TUBE1: variants seen among roughly 807,000 people sequenced by gnomAD.
The protein encoded by TUBE1 is tubulin epsilon 1.
Under a neutral mutation model 53.5 loss-of-function variants are expected in TUBE1, and 34 were observed. That is an observed-to-expected ratio of 0.64 (90% CI 0.48 to 0.85). TUBE1 has a LOEUF of 0.85. Among genes scored for constraint, TUBE1 ranks in the 40% least tolerant of loss-of-function variants. The pLI is 0.00. For missense variants in TUBE1, 532 were observed against 570.5 expected (o/e 0.93, Z 0.69); for synonymous variants, 177 against 198.4 (o/e 0.89, Z 0.91).
chr6:112,084,135 A>G, intron 4 of TUBE1, 54 bp downstream of exon 4: 1 of 1,371,084 alleles, frequency 7.3e-7, no homozygotes, highest in Non-Finnish European at 1.0e-6. Context: ...AGTTACTGAG[A>G]ATAGTTATTT....
rs1160607339 is a variant in TUBE1, at chr6:112,071,239, T to C, written c.*173A>G. 3 of 539,600 alleles carry C rather than the reference T, an allele frequency of 5.6e-6. No homozygotes were observed. Among genetic ancestry groups the C allele is most frequent in the African/African-American group, 3.8e-5 (2 of 52,930 alleles). 33.4% of individuals were successfully genotyped at this position (539,600 alleles called of 1,614,324 possible). A position where few individuals can be genotyped will look rare whatever the true frequency, so the allele number is the denominator to read the frequency against. ...AGTTAAGGTACTAAGATTTCACTAA[T>C]TTCACACATTGGTATTACCAACAAA... On this transcript the variant is annotated 3_prime_UTR_variant, in exon 12 of 12. Coordinates refer to ENST00000368662, the MANE Select transcript of TUBE1 (RefSeq NM_016262.5).
chr6:112,081,923 G>A (rs186172697), intron 4 of TUBE1, among the ~76,000 whole-genome samples: 144 of 151,796 alleles, frequency 9.5e-4, no homozygotes, highest in Admixed American at 8.5e-3. Context: ...ATATTCTACA[G>A]CGAGGAAGAA....
Position 112,086,895 on chromosome 6 carries a change from T to A in TUBE1, c.100-287A>T, listed in dbSNP as rs181515916. The A allele has an allele frequency of 1.0e-3, 514 of 490,474 alleles. 3 individuals are homozygous for A. Among genetic ancestry groups the A allele is most frequent in the African/African-American group, 9.0e-3 (462 of 51,084 alleles). The allele number at this position is 490,474 out of a possible 1,614,324, so 30.4% of individuals were successfully genotyped here. A position where few individuals can be genotyped will look rare whatever the true frequency, so the allele number is the denominator to read the frequency against. On this transcript the variant is annotated intron_variant, in intron 2 of 11. Coordinates refer to ENST00000368662, the MANE Select transcript of TUBE1 (RefSeq NM_016262.5). ...TTCTCTGGATTCTTCGTAATCTTTT[T>A]AAAAGCTGACTGGTTAAATTAAGGA...
Position 112,074,626 on chromosome 6 carries a change from G to A in TUBE1, c.953+84C>T, listed in dbSNP as rs1192588263. On this transcript the variant is annotated intron_variant, in intron 9 of 11. Coordinates refer to ENST00000368662, the MANE Select transcript of TUBE1 (RefSeq NM_016262.5). ...ATAAGATGATACAATTAAATAACTAGAGTTATTGCAAACTTTTTTCTCTTA... is the reference window on the plus strand; with the variant it reads ...ATAAGATGATACAATTAAATAACTAAAGTTATTGCAAACTTTTTTCTCTTA... 4 of 1,015,854 alleles carry A rather than the reference G, an allele frequency of 3.9e-6. No individual in the cohort carries two copies. The East Asian group carries it at 8.8e-5, about 22-fold the overall frequency. The allele number at this position is 1,015,854 out of a possible 1,614,324, so 62.9% of individuals were successfully genotyped here. A position where few individuals can be genotyped will look rare whatever the true frequency, so the allele number is the denominator to read the frequency against.
In TUBE1 at chr6:112,081,154, T is replaced by C. The variant is rs1554316714; in HGVS notation, c.264A>G (p.Pro88=). The change falls in exon 5 of 12, where the codon CCA becomes CCG. Residue 88 remains proline (P), a synonymous_variant. Coordinates refer to ENST00000368662, the MANE Select transcript of TUBE1 (RefSeq NM_016262.5). The part of the protein sequence containing the change: ...EGVVNEILQG[P]LRDVFDTKQL... Reference sequence around the variant, plus strand: ...GTTTCGTATCAAATACATCTCTCAGTGGTCCCTGCAGAATTTCATTCACTA... The same window carrying C: ...GTTTCGTATCAAATACATCTCTCAGCGGTCCCTGCAGAATTTCATTCACTA... 1 of 1,610,762 alleles carries C rather than the reference T, an allele frequency of 6.2e-7. No homozygotes were observed. Among genetic ancestry groups the C allele is most frequent in the Non-Finnish European group, 8.5e-7 (1 of 1,178,666 alleles).
chr6:112,080,379 C>T (rs2114487902), intron 5 of TUBE1, among the ~76,000 whole-genome samples: 1 of 152,138 alleles, frequency 6.6e-6, no homozygotes, highest in South Asian at 2.1e-4. Flanking sequence ...TCAAAAGTTA[C>T]ATAATAAGTT....
rs781980257 is a variant in TUBE1, at chr6:112,079,760, A to AATTAGAAT, written c.327-14_327-7dup. The AATTAGAAT allele has an allele frequency of 5.2e-5, 83 of 1,595,006 alleles. No individual in the cohort carries two copies. In the African/African-American group the frequency reaches 1.1e-3, roughly 20 times the overall value. ...AAACTTTGTGACCCACGGCCCTGAA[A>AATTAGAAT]ATTAGAATATGGATTTTAAAAATTC... On this transcript the variant is annotated splice_polypyrimidine_tract_variant and splice_region_variant and intron_variant, in intron 5 of 11. Coordinates refer to ENST00000368662, the MANE Select transcript of TUBE1 (RefSeq NM_016262.5).
intron 2 of TUBE1, chr6:112,086,954 A>G (rs1200510764): frequency 1.9e-6 from 1 of 513,738 alleles, no homozygotes; most frequent in Non-Finnish European, 3.4e-6. Context: ...TATTTTACAA[A>G]GTACTTTCCC....
chr6:112,081,258 C>A (rs782672032), intron 4 of TUBE1, 51 bp from the exon 5 acceptor site: 2 of 1,031,686 alleles, frequency 1.9e-6, no homozygotes, highest in Non-Finnish European at 2.9e-6. Flanking sequence ...TAGAGTTATT[C>A]ACTCTGTAAA....
chr6:112,085,630 T>C (rs1554317220), intron 3 of TUBE1: 2 of 470,412 alleles, frequency 4.3e-6, no homozygotes, highest in African/African-American at 4.0e-5. Flanking sequence ...GACAGATATC[T>C]CCATAAAATA....
chr6:112,077,189 GA>G lies in TUBE1; in HGVS notation c.449-681del, dbSNP rs1243252823. 2.0e-5 allele frequency: 3 copies of G among 152,098 alleles called. No homozygotes were observed. In the East Asian group the frequency reaches 5.8e-4, roughly 29 times the overall value. The allele number at this position is 152,098 out of a possible 1,614,324, so 9.4% of individuals were successfully genotyped here. A position where few individuals can be genotyped will look rare whatever the true frequency, so the allele number is the denominator to read the frequency against. On this transcript the variant is annotated intron_variant, in intron 6 of 11. Coordinates refer to ENST00000368662, the MANE Select transcript of TUBE1 (RefSeq NM_016262.5). ...AGTGTAGTGTGTATATAATCTTGAT[GA>G]AAAAAACTATCATGTCATCAAGCAA...
chr6:112,085,214 C>T (rs587648474), intron 3 of TUBE1: 2 of 152,866 alleles, frequency 1.3e-5, no homozygotes, highest in Admixed American at 6.5e-5. Flanking sequence ...GAATAGTACA[C>T]AAAGATATGG....
intron 11 of TUBE1, 139 bp downstream of exon 11, chr6:112,071,763 G>T: frequency 1.0e-6 from 1 of 962,200 alleles, no homozygotes; most frequent in Non-Finnish European, 1.5e-6. Flanking sequence ...GCATGAGTAA[G>T]CCTCTCCTCT....
intron 5 of TUBE1, among the ~76,000 whole-genome samples, chr6:112,080,685 A>G (rs1777055615): frequency 6.6e-6 from 1 of 152,086 alleles, no homozygotes; most frequent in African/African-American, 2.4e-5. Context: ...CAAGGGCCTA[A>G]ACAGCCTTAG....
chr6:112,076,209 T>A (rs1776965354), intron 7 of TUBE1, 97 bp from the exon 8 acceptor site: 3 of 1,479,272 alleles, frequency 2.0e-6, no homozygotes, highest in Non-Finnish European at 2.7e-6. Context: ...TTAAACTGAT[T>A]TTTTCTCTAA....
intron 4 of TUBE1, among the ~76,000 whole-genome samples, chr6:112,083,320 ATTT>A (rs587770144): frequency 3.8e-5 from 5 of 131,434 alleles, no homozygotes; most frequent in Non-Finnish European, 3.3e-5. Flanking sequence ...CTTCCATAAC[ATTT>A]TTTTTTTTTT....
intron 8 of TUBE1, 149 bp from the exon 9 acceptor site, chr6:112,074,999 AAGTT>A (rs60205572): frequency 0.2 from 79,882 of 403,706 alleles, 9,252 homozygotes; most frequent in Non-Finnish European, 0.23. Flanking sequence ...ATATTAGTGA[AAGTT>A]AGTATCAGAA....
intron 4 of TUBE1, among the ~76,000 whole-genome samples, chr6:112,081,814 GA>G (rs797037415): frequency 9.5e-4 from 126 of 132,268 alleles, no homozygotes; most frequent in African/African-American, 2.1e-3. Flanking sequence ...AAAAAAAACA[GA>G]AAAAAAAAAA....
rs200384424 is a variant in TUBE1 at position 112,076,492 on chromosome 6, C to G, written c.466G>C (p.Gly156Arg). The G allele has an allele frequency of 1.2e-6, 2 of 1,606,868 alleles. No homozygotes were observed. The highest frequency in any genetic ancestry group is 2.2e-5 in the East Asian group (1 of 44,716). ...TCAAGCACCTTTAAAAGAAATGTGC[C>G]AAGTCCAGATCCTGTTCCTGAGGAT... The part of the protein sequence containing the change: ...SMGGGTGSGL[G>R]TFLLKVLEDE... Residue 156 changes from glycine to arginine, a missense_variant, in exon 7 of 12, where the codon GGC becomes CGC. Gly to Arg is a moderately radical substitution (Grantham distance 125). Transcript: ENST00000368662.
Sources: allele counts gnomAD v4.1 joint callset (sites outside exome capture counted in the v4.1 genomes callset), GRCh38; gene constraint gnomAD v4.1.1; transcripts MANE v1.5; gene names NCBI Gene and HGNC (gene_info 2026-07-23, HGNC 2026-07-21).